BCKDHB: variants seen among roughly 807,000 people sequenced by gnomAD.
BCKDHB encodes the protein branched chain keto acid dehydrogenase E1 subunit beta, also known as 2-oxoisovalerate dehydrogenase subunit beta, mitochondrial.
A neutral mutation model predicts 48.5 loss-of-function variants in BCKDHB; 41 were observed. The observed-to-expected ratio is 0.85, with a 90% confidence interval of 0.66 to 1.10. BCKDHB has a LOEUF of 1.10. BCKDHB is among the 50% of genes least tolerant of loss of function. The pLI is 0.00. For missense variants in BCKDHB, 496 were observed against 494.2 expected (o/e 1.00, Z -0.03); for synonymous variants, 201 against 174.8 (o/e 1.15, Z -1.18).
At chr6:80,354,657 C>T in the BCKDHB span, among the ~76,000 whole-genome samples, 23 of 152,240 alleles carry the variant, frequency 1.5e-4, no homozygotes, top group Non-Finnish European at 2.1e-4. Flanking sequence ...TTTACTATTA[C>T]GTTTTTAATT....
the BCKDHB span, among the ~76,000 whole-genome samples, chr6:80,410,169 G>A: frequency 1.3e-5 from 2 of 152,086 alleles, no homozygotes; most frequent in East Asian, 1.9e-4. Flanking sequence ...CAGCAATTGC[G>A]TGTCTCTAAA....
the BCKDHB span, among the ~76,000 whole-genome samples, chr6:80,419,485 T>C: frequency 2.6e-5 from 4 of 152,168 alleles, no homozygotes; most frequent in Admixed American, 2.6e-4. Context: ...GTCTGGAAGT[T>C]TTCCTATGGC....
chr6:80,360,855 A>T, the BCKDHB span, among the ~76,000 whole-genome samples: 1 of 151,696 alleles, frequency 6.6e-6, no homozygotes, highest in Non-Finnish European at 1.5e-5. Flanking sequence ...AAATACAAAA[A>T]TTTGCCAGGT....
intron 8 of BCKDHB, among the ~76,000 whole-genome samples, chr6:80,210,077 A>C (rs1297107123): frequency 6.7e-6 from 1 of 149,154 alleles, no homozygotes; most frequent in Non-Finnish European, 1.5e-5. Context: ...GGCAGTATCT[A>C]CCTGAACCCT....
chr6:80,319,963 A>G (rs1768634260), intron 9 of BCKDHB, among the ~76,000 whole-genome samples: 2 of 152,228 alleles, frequency 1.3e-5, no homozygotes, highest in South Asian at 2.1e-4. Flanking sequence ...AATGTTACCT[A>G]ATGTAAATAC....
At position 80,344,253 on chromosome 6, in the gene BCKDHB, C is replaced by T. The variant is rs1356370650; in HGVS notation, c.*449C>T. On this transcript the variant is annotated 3_prime_UTR_variant, in exon 10 of 10. Transcript: ENST00000320393. The stretch of plus-strand genomic sequence containing the variant: ...TTCCTGACCTCAAGTGATCCACCTG[C>T]CTTAGCCTCCCAAAGTGCTGGGATT... 8.3e-6 allele frequency: 2 copies of T among 240,470 alleles called. No individual in the cohort carries two copies. Among genetic ancestry groups the T allele is most frequent in the South Asian group, 5.6e-5 (1 of 17,832 alleles). The allele number at this position is 240,470 out of a possible 1,614,324, so 14.9% of individuals were successfully genotyped here.
intron 3 of BCKDHB, among the ~76,000 whole-genome samples, chr6:80,137,623 C>T (rs1306945280): frequency 6.6e-6 from 1 of 152,030 alleles, no homozygotes; most frequent in Non-Finnish European, 1.5e-5. Flanking sequence ...GAGGGTATAT[C>T]TAGTCTAGTG....
chr6:80,375,540 T>C, the BCKDHB span, among the ~76,000 whole-genome samples: 3 of 152,146 alleles, frequency 2.0e-5, no homozygotes, highest in African/African-American at 2.4e-5. Flanking sequence ...TCACTGAAGA[T>C]TTTTTCATTT....
intron 8 of BCKDHB, among the ~76,000 whole-genome samples, chr6:80,261,541 G>T (rs1582460815): frequency 6.6e-6 from 1 of 152,032 alleles, no homozygotes; most frequent in African/African-American, 2.4e-5. Flanking sequence ...TGCTGAATGT[G>T]GAGCATCATA....
intron 9 of BCKDHB, among the ~76,000 whole-genome samples, chr6:80,315,229 C>T (rs949775739): frequency 9.9e-5 from 15 of 152,270 alleles, no homozygotes; most frequent in East Asian, 5.8e-4. Context: ...CCTGAGCAAC[C>T]GCTCTGTTGA....
chr6:80,224,317 T>C (rs1295998067), intron 8 of BCKDHB, among the ~76,000 whole-genome samples: 1 of 152,196 alleles, frequency 6.6e-6, no homozygotes, highest in Non-Finnish European at 1.5e-5. Context: ...TATTTATGCA[T>C]TTTAATCAGG....
At chr6:80,152,712 C>T (rs1771851697) in intron 3 of BCKDHB, among the ~76,000 whole-genome samples, 1 of 152,110 alleles carries the variant, frequency 6.6e-6, no homozygotes, top group Non-Finnish European at 1.5e-5. Context: ...TTCTATGGGC[C>T]CATAGCCTTA....
chr6:80,115,102 T>C (rs1171041826), intron 1 of BCKDHB, among the ~76,000 whole-genome samples: 1 of 152,202 alleles, frequency 6.6e-6, no homozygotes, highest in Admixed American at 6.5e-5. Context: ...TACACACTGG[T>C]ACCTTACAAA....
chr6:80,441,257 GT>G, the BCKDHB span: 3 of 152,170 alleles, frequency 2.0e-5, no homozygotes, highest in Non-Finnish European at 2.9e-5. Context: ...TTAAGTGGGA[GT>G]TTTATTCAAA....
intron 2 of BCKDHB, among the ~76,000 whole-genome samples, chr6:80,128,572 C>T (rs1770461703): frequency 6.6e-6 from 1 of 152,092 alleles, no homozygotes; most frequent in African/African-American, 2.4e-5. Context: ...GTCTAAATCC[C>T]TTTCCTATTT....
chr6:80,462,239 A>T, the BCKDHB span, among the ~76,000 whole-genome samples: 1 of 152,170 alleles, frequency 6.6e-6, no homozygotes, highest in Non-Finnish European at 1.5e-5. Flanking sequence ...AATATTTTCA[A>T]TGCCTATTTA....
chr6:80,393,854 G>A, the BCKDHB span, among the ~76,000 whole-genome samples: 3 of 152,274 alleles, frequency 2.0e-5, no homozygotes, highest in South Asian at 4.1e-4. Flanking sequence ...ATTTGTTTTA[G>A]TAGAGCTTAT....
At chr6:80,284,395 CAATATT>C (rs1316227357) in intron 9 of BCKDHB, among the ~76,000 whole-genome samples, 1 of 151,968 alleles carries the variant, frequency 6.6e-6, no homozygotes, top group African/African-American at 2.4e-5. Context: ...TCAAATCTAT[CAATATT>C]AATGTGAGTC....
chr6:80,224,423 C>T (rs1389427114), intron 8 of BCKDHB, among the ~76,000 whole-genome samples: 1 of 151,658 alleles, frequency 6.6e-6, no homozygotes. Context: ...AACAAGGTCT[C>T]ACTGTGTTGC....
Sources: allele counts gnomAD v4.1 joint callset (sites outside exome capture counted in the v4.1 genomes callset), GRCh38; gene constraint gnomAD v4.1.1; transcripts MANE v1.5; gene names NCBI Gene and HGNC (gene_info 2026-07-23, HGNC 2026-07-21).